TANC2: variants seen among roughly 807,000 people sequenced by gnomAD.
TANC2 encodes the protein protein TANC2.
A neutral mutation model predicts 210.5 loss-of-function variants in TANC2; 26 were observed. That is an observed-to-expected ratio of 0.12 (90% CI 0.09 to 0.17). The LOEUF (loss-of-function observed/expected upper bound fraction) is 0.17, where lower values mean the gene tolerates loss of function less well. Among genes scored for constraint, TANC2 ranks in the 10% least tolerant of loss-of-function variants. The probability of loss-of-function intolerance (pLI) is 1.00; values close to 1 mark genes in which losing one functional copy is unlikely to be tolerated. For missense variants in TANC2, 2,129 were observed against 2,608.9 expected (o/e 0.82, Z 4.01); for synonymous variants, 931 against 967.1 (o/e 0.96, Z 0.69).
intron 12 of TANC2, among the ~76,000 whole-genome samples, chr17:63,346,556 C>T (rs2046417070): frequency 6.6e-6 from 1 of 151,870 alleles, no homozygotes; most frequent in Admixed American, 6.5e-5. Flanking sequence ...TACCACTTCA[C>T]ACCCATTAGA....
chr17:63,156,754 A>G (rs1025607047), intron 5 of TANC2, among the ~76,000 whole-genome samples: 24 of 151,188 alleles, frequency 1.6e-4, no homozygotes, highest in East Asian at 5.8e-4. Flanking sequence ...AGATCTCCCT[A>G]TGTTGCCTAG....
At chr17:63,221,905 A>G (rs1168505596) in intron 7 of TANC2, among the ~76,000 whole-genome samples, 1 of 152,216 alleles carries the variant, frequency 6.6e-6, no homozygotes, top group Non-Finnish European at 1.5e-5. Context: ...AGGTATGTAC[A>G]AGAGAGCAAG....
chr17:63,407,816 G>A (rs574745423), intron 21 of TANC2, among the ~76,000 whole-genome samples: 7 of 152,256 alleles, frequency 4.6e-5, no homozygotes, highest in Non-Finnish European at 7.4e-5. Flanking sequence ...TTTGAAATTC[G>A]AAGAGGAAAA....
In TANC2 at chr17:63,420,119, G is replaced by T. The variant is rs1227535893; in HGVS notation, c.4389G>T (p.Gln1463His). The T allele has an allele frequency of 6.4e-7, 1 of 1,552,902 alleles. No homozygotes were observed. Among genetic ancestry groups the T allele is most frequent in the South Asian group, 1.2e-5 (1 of 84,186 alleles). The change falls in exon 28 of 28, where the codon CAG (glutamine) becomes CAT (histidine). Residue 1463 changes from glutamine to histidine, a missense_variant. Physicochemically the swap from Gln to His is conservative, Grantham distance 24 (BLOSUM62 0). Transcript: ENST00000689528. This position sits in a 1 kb window ranked among gnomAD's most constrained non-coding sequence, Gnocchi z 4.2. The stretch of plus-strand genomic sequence containing the variant: ...AGTGTAGACAGATGCAGCAGCCACA[G>T]CAGCCACCGCCGCCACCGCAGCCTC...
At chr17:63,236,506 T>C (rs2042624865) in intron 7 of TANC2, among the ~76,000 whole-genome samples, 1 of 152,152 alleles carries the variant, frequency 6.6e-6, no homozygotes, top group South Asian at 2.1e-4. Context: ...ATTCACTGTT[T>C]AAATTTTATA....
chr17:63,409,455 G>T (rs1289798898), intron 21 of TANC2, among the ~76,000 whole-genome samples: 1 of 152,016 alleles, frequency 6.6e-6, no homozygotes, highest in Non-Finnish European at 1.5e-5. Context: ...AAAAGTGCTG[G>T]GATTATAGGT....
At chr17:63,001,990 A>G (rs1380407900) in intron 1 of TANC2, among the ~76,000 whole-genome samples, 1 of 152,238 alleles carries the variant, frequency 6.6e-6, no homozygotes. Context: ...AATGAATTAA[A>G]CAGGCATCTT....
chr17:62,986,900 T>C (rs1220361046), intron 1 of TANC2, among the ~76,000 whole-genome samples: 4 of 152,186 alleles, frequency 2.6e-5, no homozygotes, highest in Non-Finnish European at 4.4e-5. Flanking sequence ...AAGCCTGGGA[T>C]CATGTCTACC....
chr17:63,205,362 A>AAAAAAC (rs1567813533), intron 7 of TANC2, among the ~76,000 whole-genome samples: 4 of 147,568 alleles, frequency 2.7e-5, no homozygotes, highest in Admixed American at 6.7e-5. Context: ...AAAAAAAAAA[A>AAAAAAC]AAAAAAAAAA....
intron 1 of TANC2, among the ~76,000 whole-genome samples, chr17:62,983,300 C>T (rs1285189357): frequency 2.0e-5 from 3 of 151,568 alleles, no homozygotes; most frequent in Admixed American, 6.6e-5. Context: ...CGTTTGAATT[C>T]GTTTATTGAA....
At chr17:63,167,899 A>AG (rs934006267) in intron 5 of TANC2, among the ~76,000 whole-genome samples, 2 of 151,096 alleles carry the variant, frequency 1.3e-5, no homozygotes, top group Non-Finnish European at 3.0e-5. Context: ...AAAAAAAAAA[A>AG]AAAAAAAAAA....
exon 6 of TANC2, chr17:63,194,097 G>C: frequency 6.2e-7 from 1 of 1,613,430 alleles, no homozygotes; most frequent in South Asian, 1.1e-5. Flanking sequence ...CAGAAGTTCA[G>C]CCAGGTGACC....
chr17:63,255,372 G>A (rs150150395), intron 8 of TANC2, among the ~76,000 whole-genome samples: 22,759 of 152,066 alleles, frequency 0.15, 2,032 homozygotes, highest in Middle Eastern at 0.21. Flanking sequence ...GATTACAGGC[G>A]TGAGCCACCG....
chr17:62,981,846 A>G (rs2032318001), intron 1 of TANC2, among the ~76,000 whole-genome samples: 1 of 152,222 alleles, frequency 6.6e-6, no homozygotes. Context: ...TAATTGTGTC[A>G]TAAAGGATAC....
chr17:62,983,216 T>C (rs1351659564), intron 1 of TANC2, among the ~76,000 whole-genome samples: 1 of 152,150 alleles, frequency 6.6e-6, no homozygotes, highest in Non-Finnish European at 1.5e-5. Context: ...CTATTATAAA[T>C]CGAATTGCCT....
At chr17:63,396,082 G>A in intron 18 of TANC2, 154 bp downstream of exon 18, 2 of 706,086 alleles carry the variant, frequency 2.8e-6, no homozygotes, top group African/African-American at 1.8e-5. Context: ...ACTCCATGAA[G>A]CACTTTACTC....
At chr17:63,257,255 T>C (rs1424119472) in intron 8 of TANC2, among the ~76,000 whole-genome samples, 1 of 152,166 alleles carries the variant, frequency 6.6e-6, no homozygotes, top group Non-Finnish European at 1.5e-5. Flanking sequence ...GTGAACGTGA[T>C]TTTTTTCTGG....
chr17:63,404,978 T>G (rs2048456640), intron 19 of TANC2, 144 bp from the exon 20 acceptor site: 1 of 1,010,186 alleles, frequency 9.9e-7, no homozygotes, highest in East Asian at 2.8e-5. Flanking sequence ...AGAACTTTTC[T>G]TTATGGAAAA....
At chr17:63,288,727 C>T (rs754968480) in intron 9 of TANC2, among the ~76,000 whole-genome samples, 5 of 151,914 alleles carry the variant, frequency 3.3e-5, no homozygotes, top group African/African-American at 4.8e-5. Context: ...TCTGTTAGAT[C>T]AATTCAGAAT....
Sources: allele counts gnomAD v4.1 joint callset (sites outside exome capture counted in the v4.1 genomes callset), GRCh38; gene constraint gnomAD v4.1.1; non-coding constraint Gnocchi (gnomAD v3.1); transcripts MANE v1.5; gene names NCBI Gene and HGNC (gene_info 2026-07-23, HGNC 2026-07-21).